Variants in ACCSL observed in about 807,000 individuals in gnomAD.
ACCSL encodes 1-aminocyclopropane-1-carboxylate synthase homolog (inactive) like.
Under a neutral mutation model 61.7 loss-of-function variants are expected in ACCSL, and 55 were observed. The ratio of observed to expected loss-of-function variants is 0.89; its 90% CI spans 0.72 to 1.12. ACCSL has a LOEUF of 1.12. Ranked by LOEUF, ACCSL falls within the 50% of genes most tolerant of loss-of-function variation. ACCSL has a pLI of 0.00. For missense variants in ACCSL, 632 were observed against 698.0 expected (o/e 0.91, Z 1.07); for synonymous variants, 258 against 264.3 (o/e 0.98, Z 0.23).
chr11:44,045,829 C>A (rs1952594280), upstream of ACCSL, among the ~76,000 whole-genome samples: 1 of 152,226 alleles, frequency 6.6e-6, no homozygotes, highest in Non-Finnish European at 1.5e-5. Context: ...GTCCAAAGAG[C>A]TGTCCCATCT....
chr11:44,047,940 C>T, upstream of ACCSL: 4 of 1,448,176 alleles, frequency 2.8e-6, no homozygotes, highest in Non-Finnish European at 3.7e-6. Context: ...ATTCCTGGAC[C>T]TGAGGGTCCA....
At chr11:43,956,002 T>C in the ACCSL span, among the ~76,000 whole-genome samples, 1 of 150,514 alleles carries the variant, frequency 6.6e-6, no homozygotes, top group South Asian at 2.1e-4. Context: ...AATTGAGCAA[T>C]GAATGATTCA....
the ACCSL span, among the ~76,000 whole-genome samples, chr11:43,983,734 G>A: frequency 1.3e-5 from 2 of 150,872 alleles, no homozygotes; most frequent in Non-Finnish European, 3.0e-5. Context: ...TATGGCTTGG[G>A]TGGGGGTGGG....
chr11:43,962,919 A>T, the ACCSL span, among the ~76,000 whole-genome samples: 173 of 152,328 alleles, frequency 1.1e-3, no homozygotes, highest in Non-Finnish European at 2.0e-3. Context: ...ACAAGGGAGA[A>T]TTATCCTGGC....
chr11:43,925,573 T>A, the ACCSL span: 1 of 407,808 alleles, frequency 2.5e-6, no homozygotes, highest in Admixed American at 2.5e-5. Flanking sequence ...CGTTCGCTTT[T>A]GCAAGGGGGT....
chr11:44,013,815 A>C, the ACCSL span, among the ~76,000 whole-genome samples: 9,097 of 152,212 alleles, frequency 0.06, 340 homozygotes, highest in Non-Finnish European at 0.091. Context: ...ACTTGAATGT[A>C]AAAAGTAAAA....
At chr11:44,020,066 G>A in the ACCSL span, among the ~76,000 whole-genome samples, 1 of 152,210 alleles carries the variant, frequency 6.6e-6, no homozygotes, top group Non-Finnish European at 1.5e-5. Context: ...GACCATAAAT[G>A]TAAAGGTTTA....
the ACCSL span, among the ~76,000 whole-genome samples, chr11:44,042,624 TTGTTTTTTTTTTG>T: frequency 0.14 from 8,379 of 58,116 alleles, 438 homozygotes; most frequent in African/African-American, 0.29. Context: ...GCCTTCCTGG[TTGTTTTTTTTTTG>T]TTTGTTTTGT....
the ACCSL span, among the ~76,000 whole-genome samples, chr11:43,932,261 T>C: frequency 6.6e-6 from 1 of 152,134 alleles, no homozygotes; most frequent in Non-Finnish European, 1.5e-5. Context: ...TGAGAAGACT[T>C]TTTTTTCTTT....
At chr11:43,989,580 C>G in the ACCSL span, among the ~76,000 whole-genome samples, 3 of 152,196 alleles carry the variant, frequency 2.0e-5, no homozygotes, top group African/African-American at 7.2e-5. Context: ...TTCCCTTCCT[C>G]GTGGTCTGGA....
chr11:43,975,322 A>C, the ACCSL span, among the ~76,000 whole-genome samples: 5 of 152,216 alleles, frequency 3.3e-5, no homozygotes, highest in Admixed American at 3.3e-4. Flanking sequence ...AAAAGTAAGA[A>C]ATACATTTGA....
At chr11:44,037,275 G>C in the ACCSL span, among the ~76,000 whole-genome samples, 14 of 152,314 alleles carry the variant, frequency 9.2e-5, no homozygotes, top group South Asian at 2.9e-3. Context: ...CTAGATTCTG[G>C]TTGTGACAGT....
At chr11:43,936,939 G>A in the ACCSL span, among the ~76,000 whole-genome samples, 2 of 152,154 alleles carry the variant, frequency 1.3e-5, no homozygotes, top group Non-Finnish European at 2.9e-5. Context: ...AGACCCAGGA[G>A]GGGATGATCT....
chr11:44,051,818 C>A, intron 5 of ACCSL, 99 bp downstream of exon 5: 3 of 1,439,828 alleles, frequency 2.1e-6, no homozygotes, highest in South Asian at 2.3e-5. Context: ...CATCCTGACT[C>A]AAGGCCTTTT....
At chr11:44,059,600 G>A (rs3107271) in intron 13 of ACCSL, among the ~76,000 whole-genome samples, 9,942 of 152,270 alleles carry the variant, frequency 0.065, 1,019 homozygotes, top group African/African-American at 0.21. Context: ...AAGCCCGAGA[G>A]TACAGGCTTT....
chr11:43,977,632 A>T, the ACCSL span, among the ~76,000 whole-genome samples: 1 of 152,344 alleles, frequency 6.6e-6, no homozygotes, highest in African/African-American at 2.4e-5. Flanking sequence ...CTAAAATCAT[A>T]AATTTGTGTC....
the ACCSL span, among the ~76,000 whole-genome samples, chr11:44,014,177 A>G: frequency 6.6e-6 from 1 of 152,210 alleles, no homozygotes; most frequent in African/African-American, 2.4e-5. Flanking sequence ...AAGACCACAA[A>G]TGCTTACTTC....
chr11:43,953,520 C>CAAAA, the ACCSL span, among the ~76,000 whole-genome samples: 1 of 75,480 alleles, frequency 1.3e-5, no homozygotes. Flanking sequence ...GACTCTGACT[C>CAAAA]AAAAAAAAAA....
chr11:44,047,925 C>T, upstream of ACCSL: 6 of 1,330,232 alleles, frequency 4.5e-6, no homozygotes, highest in Non-Finnish European at 6.1e-6. Flanking sequence ...GTTCTGTCTC[C>T]ATCCATTCCT....
Sources: allele counts gnomAD v4.1 joint callset (sites outside exome capture counted in the v4.1 genomes callset), GRCh38; gene constraint gnomAD v4.1.1; transcripts MANE v1.5; gene names NCBI Gene and HGNC (gene_info 2026-07-23, HGNC 2026-07-21).